ZEB1: variants seen among roughly 807,000 people sequenced by gnomAD.
The protein encoded by ZEB1 is zinc finger E-box-binding homeobox 1.
A neutral mutation model predicts 84.9 loss-of-function variants in ZEB1; 21 were observed. The ratio of observed to expected loss-of-function variants is 0.25; its 90% CI spans 0.18 to 0.36. ZEB1 has a LOEUF of 0.36. Among genes scored for constraint, ZEB1 ranks in the 10% least tolerant of loss-of-function variants. ZEB1 has a pLI of 1.00. For missense variants in ZEB1, 1,104 were observed against 1,330.2 expected (o/e 0.83, Z 2.65); for synonymous variants, 420 against 471.1 (o/e 0.89, Z 1.41).
intron 3 of ZEB1, among the ~76,000 whole-genome samples, chr10:31,499,596 A>T (rs2067812206): frequency 6.6e-6 from 1 of 152,048 alleles, no homozygotes; most frequent in Non-Finnish European, 1.5e-5. Flanking sequence ...TGTATGAAGG[A>T]TATATTTAAA....
rs572501054 is a variant in ZEB1 at position 31,478,688 on chromosome 10, A to G, written c.260-17088A>G. On this transcript the variant is annotated intron_variant, in intron 2 of 8. Coordinates refer to ENST00000424869, the MANE Select transcript of ZEB1 (RefSeq NM_001174096.2). ...TGCAGTCATAAAAACAAATGAAATT[A>G]TGTCCTTTTTAGAAGTTTCTACATG... Among the ~76,000 whole-genome samples, 18 of 152,046 alleles carry G rather than the reference A, an allele frequency of 1.2e-4. No homozygotes were observed. The South Asian group carries it at 3.7e-3, about 32-fold the overall frequency.
At chr10:31,453,338 A>C (rs1419157236) in intron 1 of ZEB1, among the ~76,000 whole-genome samples, 1 of 152,098 alleles carries the variant, frequency 6.6e-6, no homozygotes, top group East Asian at 1.9e-4. Context: ...CCACTTCCCT[A>C]AGTTTCTTCC....
chr10:31,379,433 C>A (rs892922566), intron 1 of ZEB1, among the ~76,000 whole-genome samples: 1 of 151,604 alleles, frequency 6.6e-6, no homozygotes, highest in Non-Finnish European at 1.5e-5. Flanking sequence ...GTCTGTCTGT[C>A]TCTCTCTCTG....
At chr10:31,425,734 C>T (rs2056842922) in intron 1 of ZEB1, among the ~76,000 whole-genome samples, 1 of 151,958 alleles carries the variant, frequency 6.6e-6, no homozygotes, top group African/African-American at 2.4e-5. Flanking sequence ...TAATTTTTCT[C>T]TTGATTTCCT....
At chr10:31,474,753 C>G (rs1471699797) in intron 2 of ZEB1, among the ~76,000 whole-genome samples, 2 of 152,128 alleles carry the variant, frequency 1.3e-5, no homozygotes, top group Non-Finnish European at 1.5e-5. Context: ...TATAAAGACA[C>G]ATGCACACGT....
intron 1 of ZEB1, among the ~76,000 whole-genome samples, chr10:31,354,187 A>T (rs934457142): frequency 6.6e-6 from 1 of 152,160 alleles, no homozygotes; most frequent in Admixed American, 6.5e-5. Context: ...TTCTGAAACA[A>T]TGATATTGGA....
intron 7 of ZEB1, among the ~76,000 whole-genome samples, chr10:31,522,725 G>A (rs2072674211): frequency 6.6e-6 from 1 of 152,078 alleles, no homozygotes; most frequent in South Asian, 2.1e-4. Context: ...ATTTCTGATG[G>A]AATCAAATGA....
chr10:31,443,179 T>C (rs1340623421), intron 1 of ZEB1, among the ~76,000 whole-genome samples: 1 of 152,230 alleles, frequency 6.6e-6, no homozygotes, highest in Non-Finnish European at 1.5e-5. Context: ...TTCATTTTTG[T>C]GTGTGCGAAT....
intron 1 of ZEB1, among the ~76,000 whole-genome samples, chr10:31,335,797 T>C (rs2037893453): frequency 6.6e-6 from 1 of 152,088 alleles, no homozygotes; most frequent in Admixed American, 6.6e-5. Flanking sequence ...AAAGATACAA[T>C]GATTAGAAAG....
intron 3 of ZEB1, among the ~76,000 whole-genome samples, chr10:31,498,387 C>T (rs936121692): frequency 3.3e-5 from 5 of 151,950 alleles, no homozygotes; most frequent in Non-Finnish European, 5.9e-5. Context: ...CTCAGAAGAG[C>T]TTTTCTGACC....
chr10:31,516,715 C>T (rs1301327020), intron 6 of ZEB1, among the ~76,000 whole-genome samples: 2 of 151,852 alleles, frequency 1.3e-5, no homozygotes, highest in Non-Finnish European at 2.9e-5. Context: ...AATAACACAG[C>T]AGAGAATTTG....
At chr10:31,410,910 GTCTA>G (rs748037587) in intron 1 of ZEB1, among the ~76,000 whole-genome samples, 5 of 152,130 alleles carry the variant, frequency 3.3e-5, no homozygotes, top group Non-Finnish European at 7.3e-5. Context: ...CTGGCTAGCA[GTCTA>G]TCTATTTTGT....
At chr10:31,514,534 G>A (rs2070723997) in intron 5 of ZEB1, 69 bp from the exon 6 acceptor site, 1 of 1,387,004 alleles carries the variant, frequency 7.2e-7, no homozygotes, top group Non-Finnish European at 1.0e-6. Context: ...GTCACTCTTA[G>A]TAGATTGGAT....
intron 1 of ZEB1, among the ~76,000 whole-genome samples, chr10:31,367,213 A>G (rs2044692261): frequency 6.6e-6 from 1 of 152,086 alleles, no homozygotes; most frequent in African/African-American, 2.4e-5. Context: ...GTTTTAAAGT[A>G]TTTTGCTTCC....
intron 1 of ZEB1, among the ~76,000 whole-genome samples, chr10:31,323,964 CGTGTGTGT>C (rs3057772): frequency 2.0e-4 from 29 of 146,402 alleles, no homozygotes; most frequent in Admixed American, 4.8e-4. Context: ...CATGGTTCTT[CGTGTGTGT>C]GTGTGTGTGT....
intron 1 of ZEB1, among the ~76,000 whole-genome samples, chr10:31,434,951 G>T (rs2058116175): frequency 6.6e-6 from 1 of 152,148 alleles, no homozygotes; most frequent in Admixed American, 6.5e-5. Context: ...ACATTTTAGT[G>T]GGGGAGTGTG....
chr10:31,518,334 T>G (rs573735457), intron 6 of ZEB1, among the ~76,000 whole-genome samples: 11 of 152,124 alleles, frequency 7.2e-5, no homozygotes, highest in Non-Finnish European at 1.0e-4. Context: ...CCTAGGTATA[T>G]TTAACCTATA....
At chr10:31,481,593 G>T (rs2065048719) in intron 2 of ZEB1, among the ~76,000 whole-genome samples, 1 of 151,890 alleles carries the variant, frequency 6.6e-6, no homozygotes, top group Non-Finnish European at 1.5e-5. Context: ...GGAGGCTGAG[G>T]CAGGAGGATC....
Position 31,492,267 on chromosome 10 carries a change from G to A in ZEB1, c.260-3509G>A, listed in dbSNP as rs75387047. On this transcript the variant is annotated intron_variant, in intron 2 of 8. Transcript: ENST00000424869. ...GTATTCAATAGAAACCACACTCCAAGGACCCATGTAATCGTTTCTCATTTT... is the reference window on the plus strand; with the variant it reads ...GTATTCAATAGAAACCACACTCCAAAGACCCATGTAATCGTTTCTCATTTT... Among the ~76,000 whole-genome samples the A allele has an allele frequency of 1.7e-4, 26 of 151,920 alleles. No individual in the cohort carries two copies. The East Asian group carries it at 4.7e-3, about 27-fold the overall frequency.
Sources: gnomAD v4.1 joint callset for allele counts (sites outside exome capture counted in the v4.1 genomes callset) on GRCh38, gnomAD v4.1.1 for gene constraint, MANE v1.5 for transcripts, NCBI Gene and HGNC (gene_info 2026-07-23, HGNC 2026-07-21) for gene names.